The following TAS2R1 variants were observed in gnomAD, a reference collection of about 807,000 sequenced individuals.
TAS2R1 encodes the protein taste receptor type 2 member 1.
For synonymous variants in TAS2R1, 141 were observed against 134.2 expected (o/e 1.05, Z -0.35); for missense variants, 370 against 353.4 (o/e 1.05, Z -0.38).
chr5:9,895,015 A>T, the TAS2R1 span, among the ~76,000 whole-genome samples: 2 of 152,232 alleles, frequency 1.3e-5, no homozygotes, highest in African/African-American at 4.8e-5. Flanking sequence ...GGTGGTAGGG[A>T]GGCTTCCTGA....
At chr5:9,784,979 G>A in the TAS2R1 span, among the ~76,000 whole-genome samples, 1 of 152,144 alleles carries the variant, frequency 6.6e-6, no homozygotes, top group African/African-American at 2.4e-5. Context: ...TTTTTGGGGA[G>A]ACACAATTCA....
chr5:9,840,588 T>A, the TAS2R1 span, among the ~76,000 whole-genome samples: 1 of 152,138 alleles, frequency 6.6e-6, no homozygotes, highest in Non-Finnish European at 1.5e-5. Context: ...GCATTTTAAT[T>A]CTATATATTC....
the TAS2R1 span, among the ~76,000 whole-genome samples, chr5:9,852,189 C>A: frequency 1.3e-3 from 195 of 152,002 alleles, no homozygotes; most frequent in African/African-American, 4.6e-3. Context: ...GGAGGCTTTA[C>A]AAAAATGGTT....
the TAS2R1 span, among the ~76,000 whole-genome samples, chr5:9,850,177 G>A: frequency 1.3e-5 from 2 of 151,238 alleles, no homozygotes; most frequent in African/African-American, 4.9e-5. Flanking sequence ...TCCCTCCTCT[G>A]GGCTTTAATA....
chr5:9,887,699 G>C, the TAS2R1 span, among the ~76,000 whole-genome samples: 2 of 152,288 alleles, frequency 1.3e-5, no homozygotes, highest in African/African-American at 4.8e-5. Flanking sequence ...GGACAAAGGC[G>C]AACAAAGCAT....
chr5:9,775,700 CCTT>C, the TAS2R1 span, among the ~76,000 whole-genome samples: 2 of 151,964 alleles, frequency 1.3e-5, no homozygotes. Flanking sequence ...CAGTGGGTTC[CCTT>C]CTGGCCCAGG....
At chr5:9,681,262 T>C (rs1740990220) in intron 1 of TAS2R1, among the ~76,000 whole-genome samples, 1 of 151,826 alleles carries the variant, frequency 6.6e-6, no homozygotes, top group Non-Finnish European at 1.5e-5. Flanking sequence ...TGTAAGATGA[T>C]AAAAATAGGG....
chr5:9,782,486 C>G, the TAS2R1 span, among the ~76,000 whole-genome samples: 29 of 152,270 alleles, frequency 1.9e-4, no homozygotes, highest in African/African-American at 6.7e-4. Flanking sequence ...GGGGTCCCAC[C>G]CACATATTAA....
At chr5:9,833,790 T>C in the TAS2R1 span, among the ~76,000 whole-genome samples, 2,896 of 152,298 alleles carry the variant, frequency 0.019, 98 homozygotes, top group African/African-American at 0.064. Flanking sequence ...AATAGTTGAA[T>C]ATTGGTAATG....
the TAS2R1 span, among the ~76,000 whole-genome samples, chr5:9,838,833 A>G: frequency 6.6e-6 from 1 of 152,176 alleles, no homozygotes; most frequent in African/African-American, 2.4e-5. Flanking sequence ...AATGATTCAC[A>G]TTTGGAACAC....
At chr5:9,890,855 A>C in the TAS2R1 span, among the ~76,000 whole-genome samples, 3 of 152,334 alleles carry the variant, frequency 2.0e-5, no homozygotes, top group South Asian at 6.2e-4. Context: ...ACAAGGCACA[A>C]TGTGAGATGA....
the TAS2R1 span, among the ~76,000 whole-genome samples, chr5:9,787,234 T>C: frequency 1.3e-5 from 2 of 152,142 alleles, no homozygotes; most frequent in Non-Finnish European, 2.9e-5. Flanking sequence ...CCAATTGTAG[T>C]ATTGAGAAAT....
At chr5:9,787,389 T>C in the TAS2R1 span, among the ~76,000 whole-genome samples, 1 of 152,190 alleles carries the variant, frequency 6.6e-6, no homozygotes, top group South Asian at 2.1e-4. Flanking sequence ...TGTGTCTCCA[T>C]TTTTTCTTTG....
At chr5:9,835,235 C>A in the TAS2R1 span, among the ~76,000 whole-genome samples, 2 of 152,172 alleles carry the variant, frequency 1.3e-5, no homozygotes, top group Non-Finnish European at 2.9e-5. Context: ...TTCTGGGACC[C>A]AAATATCTGG....
chr5:9,774,130 TCTGA>T, the TAS2R1 span, among the ~76,000 whole-genome samples: 1 of 152,230 alleles, frequency 6.6e-6, no homozygotes, highest in African/African-American at 2.4e-5. Flanking sequence ...TTTTGTCTTC[TCTGA>T]CTGTGTATTT....
the TAS2R1 span, among the ~76,000 whole-genome samples, chr5:9,765,269 T>C: frequency 1.3e-5 from 2 of 152,158 alleles, no homozygotes; most frequent in African/African-American, 4.8e-5. Context: ...TAGAACAACA[T>C]TGAACTTTTA....
chr5:9,853,868 G>A, the TAS2R1 span, among the ~76,000 whole-genome samples: 1 of 152,162 alleles, frequency 6.6e-6, no homozygotes, highest in Non-Finnish European at 1.5e-5. Context: ...ATACTGAGAA[G>A]TGCTGCACTT....
chr5:9,689,309 G>T (rs1350241905), intron 1 of TAS2R1, among the ~76,000 whole-genome samples: 1 of 152,148 alleles, frequency 6.6e-6, no homozygotes, highest in Non-Finnish European at 1.5e-5. Context: ...CTATGAGGCA[G>T]TCCTTCTCGA....
At chr5:9,832,571 A>G in the TAS2R1 span, among the ~76,000 whole-genome samples, 3 of 152,204 alleles carry the variant, frequency 2.0e-5, no homozygotes, top group African/African-American at 7.2e-5. Context: ...TCCTCTAAGC[A>G]GAGGAGAAAA....
Sources: gnomAD v4.1 joint callset for allele counts (sites outside exome capture counted in the v4.1 genomes callset) on GRCh38, gnomAD v4.1.1 for gene constraint, MANE v1.5 for transcripts, NCBI Gene and HGNC (gene_info 2026-07-23, HGNC 2026-07-21) for gene names.